Variants in TNS3 observed in about 807,000 individuals in gnomAD.
TNS3 encodes the protein tensin 3.
Under a neutral mutation model 140.9 loss-of-function variants are expected in TNS3, and 45 were observed. The ratio of observed to expected loss-of-function variants is 0.32; its 90% CI spans 0.25 to 0.41. The LOEUF is 0.41. TNS3 is among the 10% of genes least tolerant of loss of function. The pLI is 1.00. For synonymous variants in TNS3, 815 were observed against 788.4 expected (o/e 1.03, Z -0.56); for missense variants, 1,716 against 1,906.7 (o/e 0.90, Z 1.86).
chr7:47,323,942 A>T (rs1312404486), intron 20 of TNS3, among the ~76,000 whole-genome samples: 2 of 152,250 alleles, frequency 1.3e-5, no homozygotes, highest in Admixed American at 1.3e-4. Context: ...AAAATCCGGA[A>T]AAACGTATGC....
intron 20 of TNS3, among the ~76,000 whole-genome samples, chr7:47,342,490 T>C (rs764819838): frequency 6.6e-6 from 1 of 152,228 alleles, no homozygotes; most frequent in African/African-American, 2.4e-5. Flanking sequence ...TGGAGGTTCA[T>C]AGGGGTTACC....
chr7:47,489,624 G>C (rs1797737408), intron 3 of TNS3, among the ~76,000 whole-genome samples: 1 of 152,212 alleles, frequency 6.6e-6, no homozygotes, highest in Admixed American at 6.5e-5. Context: ...CACTGGTAGG[G>C]AATATAATAG....
intron 4 of TNS3, among the ~76,000 whole-genome samples, chr7:47,474,104 C>A (rs1797065771): frequency 7.8e-6 from 1 of 128,682 alleles, no homozygotes; most frequent in Non-Finnish European, 1.6e-5. Context: ...GTAAAACATA[C>A]TGAGCAAGTC....
chr7:47,484,009 G>A (rs1263001497), intron 3 of TNS3, among the ~76,000 whole-genome samples: 1 of 152,194 alleles, frequency 6.6e-6, no homozygotes, highest in African/African-American at 2.4e-5. Context: ...AGTGAGCTGG[G>A]GAACAGTAGG....
At chr7:47,505,768 CGT>C (rs1232774910) in intron 3 of TNS3, among the ~76,000 whole-genome samples, 5 of 152,060 alleles carry the variant, frequency 3.3e-5, no homozygotes, top group Non-Finnish European at 2.9e-5. Flanking sequence ...TGCATGTATG[CGT>C]GTGAGCACAA....
chr7:47,448,017 G>A (rs909387798), intron 4 of TNS3, among the ~76,000 whole-genome samples: 1 of 152,178 alleles, frequency 6.6e-6, no homozygotes, highest in African/African-American at 2.4e-5. Flanking sequence ...CAGGAGGCTG[G>A]GGGCCCTGGC....
At chr7:47,496,955 C>T (rs928720261) in intron 3 of TNS3, among the ~76,000 whole-genome samples, 5 of 152,118 alleles carry the variant, frequency 3.3e-5, no homozygotes, top group Non-Finnish European at 7.4e-5. Context: ...TGGCCAGAAC[C>T]AAGGCAGCAT....
At position 47,368,731 on chromosome 7, in the gene TNS3, T is replaced by G; in HGVS notation, c.1915A>C (p.Ser639Arg). ...ACACCCCTCTGGACAGCCACCCTACTGCTGGTCCCTCGGGTGGGGGTGAGT... is the reference window on the plus strand; with the variant it reads ...ACACCCCTCTGGACAGCCACCCTACGGCTGGTCCCTCGGGTGGGGGTGAGT... ...VPLTPTRGTS[S>R]RVAVQRGVGS... Residue 639 changes from serine (S) to arginine (R), a missense_variant, in exon 17 of 31, where the codon AGT (serine) becomes CGT (arginine). Around this residue, in one of 3 missense-constraint regions of TNS3, gnomAD observed 1,163 missense variants for 1,182.1 expected, o/e 0.98. Transcript: ENST00000311160. 1 of 1,579,050 alleles carries G rather than the reference T, an allele frequency of 6.3e-7. No homozygotes were observed.
At chr7:47,487,611 G>A (rs936124631) in intron 3 of TNS3, among the ~76,000 whole-genome samples, 1 of 152,114 alleles carries the variant, frequency 6.6e-6, no homozygotes, top group African/African-American at 2.4e-5. Flanking sequence ...CAGCATTCAG[G>A]TGCAAAACAA....
chr7:47,524,224 C>T (rs1405936353), intron 2 of TNS3, among the ~76,000 whole-genome samples: 2 of 152,186 alleles, frequency 1.3e-5, no homozygotes, highest in Non-Finnish European at 2.9e-5. Context: ...TCACGTACAC[C>T]CCTCCCCGAG....
At chr7:47,372,124 G>A (rs1374221678) in intron 16 of TNS3, among the ~76,000 whole-genome samples, 1 of 152,164 alleles carries the variant, frequency 6.6e-6, no homozygotes, top group African/African-American at 2.4e-5. Context: ...GCTGATAAAC[G>A]GCTTCTGCTC....
chr7:47,351,970 A>G (rs1789700963), intron 17 of TNS3, among the ~76,000 whole-genome samples: 2 of 152,134 alleles, frequency 1.3e-5, no homozygotes, highest in Non-Finnish European at 2.9e-5. Context: ...ACACCCACAC[A>G]CTTGCAGACA....
intron 13 of TNS3, chr7:47,405,494 T>G: frequency 1.4e-6 from 1 of 702,990 alleles, no homozygotes; most frequent in South Asian, 1.5e-5. Context: ...GGGCCAACAC[T>G]AACCATGATT....
chr7:47,427,655 G>T (rs2151492997), intron 9 of TNS3, among the ~76,000 whole-genome samples: 1 of 152,320 alleles, frequency 6.6e-6, no homozygotes, highest in East Asian at 1.9e-4. Context: ...CTGTGTTTGT[G>T]TCATGTCTGG....
chr7:47,412,085 G>A (rs1674320265), intron 12 of TNS3, among the ~76,000 whole-genome samples: 1 of 152,170 alleles, frequency 6.6e-6, no homozygotes, highest in Non-Finnish European at 1.5e-5. Flanking sequence ...CAGGCTTAGA[G>A]GAAGGGGCCC....
intron 17 of TNS3, among the ~76,000 whole-genome samples, chr7:47,368,160 T>C (rs1790814828): frequency 6.6e-6 from 1 of 152,152 alleles, no homozygotes; most frequent in Admixed American, 6.5e-5. Flanking sequence ...GTTCTTCCCA[T>C]CCTCCAAATC....
chr7:47,340,413 G>A (rs1425043808), intron 20 of TNS3, among the ~76,000 whole-genome samples: 8 of 151,464 alleles, frequency 5.3e-5, no homozygotes, highest in Non-Finnish European at 1.0e-4. Flanking sequence ...GAGCTACTCC[G>A]CCGGGCTGTG....
At chr7:47,330,972 C>T (rs1446827889) in intron 20 of TNS3, among the ~76,000 whole-genome samples, 1 of 152,182 alleles carries the variant, frequency 6.6e-6, no homozygotes, top group African/African-American at 2.4e-5. Context: ...TCGGGCGAAC[C>T]TTATGTGTGC....
intron 2 of TNS3, among the ~76,000 whole-genome samples, chr7:47,524,945 A>G (rs1799137885): frequency 6.6e-6 from 1 of 152,166 alleles, no homozygotes; most frequent in Admixed American, 6.5e-5. Context: ...GAAGTCACCT[A>G]ACATCATAGC....
Sources: gnomAD v4.1 joint callset for allele counts (sites outside exome capture counted in the v4.1 genomes callset) on GRCh38, gnomAD v4.1.1 for gene constraint, gnomAD v4.1.1 regional missense constraint, MANE v1.5 for transcripts, NCBI Gene and HGNC (gene_info 2026-07-23, HGNC 2026-07-21) for gene names.